The following ZNF862 variants were observed in gnomAD, a reference collection of about 807,000 sequenced individuals.
The protein encoded by ZNF862 is zinc finger protein 862.
Under a neutral mutation model 91.1 loss-of-function variants are expected in ZNF862, and 64 were observed. The ratio of observed to expected loss-of-function variants is 0.70; its 90% CI spans 0.57 to 0.87. The LOEUF (loss-of-function observed/expected upper bound fraction) is 0.87. Among genes scored for constraint, ZNF862 ranks in the 40% least tolerant of loss-of-function variants. ZNF862 has a pLI of 0.00. For synonymous variants in ZNF862, 631 were observed against 618.1 expected, an observed-to-expected ratio of 1.02 and a Z score of -0.31; for missense variants, 1,459 against 1,528.0, an observed-to-expected ratio of 0.95 and a Z score of 0.75.
In ZNF862 at chr7:149,846,232, G is replaced by A. The variant is rs1041892945; in HGVS notation, c.218G>A (p.Arg73Lys). ...TGGCTTGGCAGCGTCCAGGGCCAGA[G>A]GAGCCTTCTGGAGCATCACCCAGGT... ...EPWLGSVQGQ[R>K]SLLEHHPGKK... Residue 73 changes from arginine (R) to lysine (K), a missense_variant, in exon 3 of 8, where the codon AGG becomes AAG. Transcript: ENST00000223210. 22 of 1,613,438 alleles carry A rather than the reference G, an allele frequency of 1.4e-5. No homozygotes were observed. The highest frequency in any genetic ancestry group is 1.9e-5 in the Non-Finnish European group (22 of 1,179,728).
chr7:149,850,087 C>CA lies in ZNF862; in HGVS notation c.940-71dup, dbSNP rs1802009093. On this transcript the variant is annotated intron_variant, in intron 4 of 7. Coordinates refer to ENST00000223210, the MANE Select transcript of ZNF862 (RefSeq NM_001099220.3). This position sits in a 1 kb window ranked among gnomAD's most constrained non-coding sequence, Gnocchi z 4.2. ...AGCTTCCCAGGAGAAATAGGGCTTC[C>CA]AAAGGCCCCAGAAGTGTCACGTGGG... The CA allele has an allele frequency of 6.6e-7, 1 of 1,509,488 alleles. No homozygotes were observed. Among genetic ancestry groups the CA allele is most frequent in the African/African-American group, 1.4e-5 (1 of 71,990 alleles). The allele number at this position is 1,509,488 out of a possible 1,614,324, so 93.5% of individuals were successfully genotyped here. A position where few individuals can be genotyped will look rare whatever the true frequency, so the allele number is the denominator to read the frequency against.
chr7:149,843,504 GTTTTT>G (rs57060501), intron 1 of ZNF862, among the ~76,000 whole-genome samples: 1 of 151,870 alleles, frequency 6.6e-6, no homozygotes, highest in Non-Finnish European at 1.5e-5. Context: ...CTTGATGATA[GTTTTT>G]TTTAAGTTTT....
At chr7:149,863,468 A>T (rs2128943421) in intron 7 of ZNF862, among the ~76,000 whole-genome samples, 1 of 152,286 alleles carries the variant, frequency 6.6e-6, no homozygotes, top group South Asian at 2.1e-4. Flanking sequence ...TGTAGGAAGC[A>T]AGGTGGCCCT....
rs1801934815 is a variant in ZNF862 at position 149,848,001 on chromosome 7, A to G, written c.508A>G (p.Ile170Val). 2 of 1,613,436 alleles carry G rather than the reference A, an allele frequency of 1.2e-6. No homozygotes were observed. The highest frequency in any genetic ancestry group is 4.5e-5 in the East Asian group (2 of 44,884). Residue 170 changes from isoleucine (I) to valine (V), a missense_variant, in exon 4 of 8, where the codon ATC becomes GTC. Physicochemically the swap from Ile to Val is conservative, Grantham distance 29. Transcript: ENST00000223210. ...FCSACREYPS[I>V]RDKRSRLIEG... ...CTCTGCTTGCCGAGAATACCCCTCCATCAGGGACAAACGGTCAAGACTAAT... is the reference window on the plus strand; with the variant it reads ...CTCTGCTTGCCGAGAATACCCCTCCGTCAGGGACAAACGGTCAAGACTAAT...
chr7:149,852,374 A>ATGT (rs1802097284), intron 5 of ZNF862, among the ~76,000 whole-genome samples: 1 of 47,234 alleles, frequency 2.1e-5, no homozygotes, highest in African/African-American at 4.7e-5. Flanking sequence ...TGTGTGTGTG[A>ATGT]GAGAGAGAGA....
At chr7:149,862,535 C>T (rs1466381413) in intron 7 of ZNF862, 41 bp downstream of exon 7, 3 of 1,530,026 alleles carry the variant, frequency 2.0e-6, no homozygotes, top group East Asian at 2.3e-5. Context: ...CAGCCTCATG[C>T]TGAGCCAGAG....
At chr7:149,844,342 C>T (rs975312733) in intron 1 of ZNF862, among the ~76,000 whole-genome samples, 1 of 152,134 alleles carries the variant, frequency 6.6e-6, no homozygotes, top group Non-Finnish European at 1.5e-5. Flanking sequence ...AAGAAACGGG[C>T]GTGTGGGAGG....
At position 149,848,367 on chromosome 7, in the gene ZNF862, G is replaced by T; in HGVS notation, c.874G>T (p.Asp292Tyr). Residue 292 changes from aspartate (D) to tyrosine (Y), a missense_variant, in exon 4 of 8, where the codon GAT (aspartate) becomes TAT (tyrosine). By Grantham distance (160) the Asp-to-Tyr change is radical. Coordinates refer to ENST00000223210, the MANE Select transcript of ZNF862 (RefSeq NM_001099220.3). Reference sequence around the variant, plus strand: ...AGATTTGAGGCAAAAAGAAATCACTGATGGCATCCACAGCTCCTCAGACAT... The same window carrying T: ...AGATTTGAGGCAAAAAGAAATCACTTATGGCATCCACAGCTCCTCAGACAT... ...ISDLRQKEIT[D>Y]GIHSSSDINI... The T allele has an allele frequency of 6.2e-7, 1 of 1,604,776 alleles. No homozygotes were observed. The highest frequency in any genetic ancestry group is 1.1e-5 in the South Asian group (1 of 89,698).
rs767580122 is a variant in ZNF862, at chr7:149,861,066, G to T, written c.1906G>T (p.Glu636Ter). ...VLLDSSTDAS[E>*]QACVGIYIRY... ...GCTGGACAGCTCCACCGACGCCTCCGAGCAGGCCTGCGTGGGGATTTACAT... is the reference window on the plus strand; with the variant it reads ...GCTGGACAGCTCCACCGACGCCTCCTAGCAGGCCTGCGTGGGGATTTACAT... The change falls in exon 7 of 8, where the codon GAG (glutamate) becomes TAG (stop). Residue 636 changes from glutamate to a stop codon, truncating the protein, a stop_gained. Transcript: ENST00000223210. LOFTEE classifies it high-confidence loss of function. This position sits in a 1 kb window ranked among gnomAD's most constrained non-coding sequence, Gnocchi z 6.7. 1 of 1,612,612 alleles carries T rather than the reference G, an allele frequency of 6.2e-7. No individual in the cohort carries two copies.
In ZNF862 at chr7:149,862,109, A is replaced by G. The variant is rs747033195; in HGVS notation, c.2949A>G (p.Gly983=). The G allele has an allele frequency of 6.2e-7, 1 of 1,613,596 alleles. No homozygotes were observed. Among genetic ancestry groups the G allele is most frequent in the Non-Finnish European group, 8.5e-7 (1 of 1,179,886 alleles). ...ATTTCGAGTGCTCCCTCCCAACAGG[A>G]TACAGTGAGGAAGCTCTGCTGGAGG... ...ARYFECSLPT[G]YSEEALLEEW... Residue 983 remains glycine (G), a synonymous_variant, in exon 7 of 8, where the codon GGA becomes GGG. Transcript: ENST00000223210.
chr7:149,846,382 G>C (rs1263864192), intron 3 of ZNF862, 127 bp downstream of exon 3: 18 of 687,048 alleles, frequency 2.6e-5, no homozygotes, highest in Non-Finnish European at 4.0e-5. Context: ...TCTCCTCCCA[G>C]GTGCCATCTG....
rs747223693 is a variant in ZNF862 at position 149,860,814 on chromosome 7, A to G, written c.1654A>G (p.Met552Val). The G allele has an allele frequency of 1.2e-6, 2 of 1,613,764 alleles. No homozygotes were observed. Among genetic ancestry groups the G allele is most frequent in the Non-Finnish European group, 1.7e-6 (2 of 1,179,876 alleles). ...CGTTCCAGAGATCTCCAGCGACCTC[A>G]TGGCCAACATGGAGCACTTTTTCAA... The part of the protein sequence containing the change: ...ALVPEISSDL[M>V]ANMEHFFNAA... The change falls in exon 7 of 8, where the codon ATG (methionine) becomes GTG (valine). Residue 552 changes from methionine (M) to valine (V), a missense_variant. By Grantham distance (21) the Met-to-Val change is conservative. Coordinates refer to ENST00000223210, the MANE Select transcript of ZNF862 (RefSeq NM_001099220.3).
chr7:149,861,903 C>A lies in ZNF862; in HGVS notation c.2743C>A (p.Gln915Lys), dbSNP rs1185875376. The A allele has an allele frequency of 1.9e-6, 3 of 1,613,774 alleles. No individual in the cohort carries two copies. Among genetic ancestry groups the A allele is most frequent in the East Asian group, 2.2e-5 (1 of 44,846 alleles). The change falls in exon 7 of 8, where the codon CAG (glutamine) becomes AAG (lysine). Residue 915 changes from glutamine to lysine, a missense_variant. Transcript: ENST00000223210. The surrounding 1 kb of genome is among the most constrained non-coding windows in gnomAD (Gnocchi z 6.7). ...CTTGGACAAACTGGAGGTAGCGGAA[C>A]AGCGGTTCCAGGCGGATAGGGAGAG... The part of the protein sequence containing the change: ...ICLDKLEVAE[Q>K]RFQADRERTV...
chr7:149,846,448 C>T lies in ZNF862; in HGVS notation c.241+193C>T, dbSNP rs548298916. ...ATGTCCTTCTCCAACCTCTCATCTCCCATTGTCTTATTTCTACCCAGGAGA... is the reference window on the plus strand; with the variant it reads ...ATGTCCTTCTCCAACCTCTCATCTCTCATTGTCTTATTTCTACCCAGGAGA... On this transcript the variant is annotated intron_variant, in intron 3 of 7. Transcript: ENST00000223210. Among the ~76,000 whole-genome samples the T allele has an allele frequency of 2.6e-5, 4 of 152,342 alleles. No individual in the cohort carries two copies. The South Asian group carries it at 8.3e-4, about 32-fold the overall frequency.
rs200782435 is a variant in ZNF862, at chr7:149,862,254, G to A, written c.3094G>A (p.Val1032Met). Residue 1032 changes from valine (V) to methionine (M), a missense_variant, in exon 7 of 8, where the codon GTG (valine) becomes ATG (methionine). Transcript: ENST00000223210. ...CAAGCTCATGGCCGTGGTGGTCTGT[G>A]TGCCCATCTCCACCTCTTGCTGTGA... ...LSKLMAVVVC[V>M]PISTSCCERG... The A allele has an allele frequency of 5.6e-6, 9 of 1,613,776 alleles. No individual in the cohort carries two copies. The East Asian group carries it at 1.8e-4, about 32-fold the overall frequency.
At position 149,866,594 on chromosome 7, in the gene ZNF862, A is replaced by C. The variant is rs1802736174; in HGVS notation, c.*2310A>C. 1 of 152,206 alleles carries C rather than the reference A, an allele frequency of 6.6e-6. No individual in the cohort carries two copies. Among genetic ancestry groups the C allele is most frequent in the African/African-American group, 2.4e-5 (1 of 41,436 alleles). The allele number at this position is 152,206 out of a possible 1,614,324, so 9.4% of individuals were successfully genotyped here. A position where few individuals can be genotyped will look rare whatever the true frequency, so the allele number is the denominator to read the frequency against. ...AGCAACTCGCCCTCTCCACGTCAGC[A>C]TCAGCGTGCTCCGAGGACACCGGCC... On this transcript the variant is annotated 3_prime_UTR_variant, in exon 8 of 8. Transcript: ENST00000223210.
In ZNF862 at chr7:149,864,616, G is replaced by C. The variant is rs1586078548; in HGVS notation, c.*332G>C. ...TGGCAAGAGGAGTGTCCTGGTAGGG[G>C]AGACTGTTGGACATCCCTGGGGAAT... On this transcript the variant is annotated 3_prime_UTR_variant, in exon 8 of 8. Coordinates refer to ENST00000223210, the MANE Select transcript of ZNF862 (RefSeq NM_001099220.3). The C allele has an allele frequency of 1.6e-5, 4 of 243,308 alleles. No individual in the cohort carries two copies. In the East Asian group the frequency reaches 3.6e-4, roughly 22 times the overall value. 15.1% of individuals were successfully genotyped at this position (243,308 alleles called of 1,614,324 possible).
At position 149,844,379 on chromosome 7, in the gene ZNF862, C is replaced by T. The variant is rs77029381; in HGVS notation, c.25-246C>T. ...GGGTGAAGAGCACACAGGGAGGGGA[C>T]GGAGAAGCTCCTGAGCCAGCCTCCT... On this transcript the variant is annotated intron_variant, in intron 1 of 7. Coordinates refer to ENST00000223210, the MANE Select transcript of ZNF862 (RefSeq NM_001099220.3). Among the ~76,000 whole-genome samples the T allele has an allele frequency of 1.6e-3, 239 of 152,230 alleles. 3 individuals are homozygous for T. The East Asian group carries it at 0.038, about 24-fold the overall frequency.
chr7:149,864,409 G>A lies in ZNF862; in HGVS notation c.*125G>A. On this transcript the variant is annotated 3_prime_UTR_variant, in exon 8 of 8. Coordinates refer to ENST00000223210, the MANE Select transcript of ZNF862 (RefSeq NM_001099220.3). ...ATGGTCTCTAAGCACCAGGAAGTGG[G>A]CAGTGGCATCCCAGAGCAGCAGGGG... 1 of 1,023,376 alleles carries A rather than the reference G, an allele frequency of 9.8e-7. No homozygotes were observed. Among genetic ancestry groups the A allele is most frequent in the Middle Eastern group, 3.2e-4 (1 of 3,128 alleles). The allele number at this position is 1,023,376 out of a possible 1,614,324, so 63.4% of individuals were successfully genotyped here.
Sources: allele counts gnomAD v4.1 joint callset (sites outside exome capture counted in the v4.1 genomes callset), GRCh38; gene constraint gnomAD v4.1.1; non-coding constraint Gnocchi (gnomAD v3.1); transcripts MANE v1.5; gene names NCBI Gene and HGNC (gene_info 2026-07-23, HGNC 2026-07-21).